Variants in KIAA1671 observed in about 807,000 individuals in gnomAD.
KIAA1671 encodes KIAA1671.
In KIAA1671, 52 loss-of-function variants were observed where a neutral mutation model predicts 131.2. That is an observed-to-expected ratio of 0.40 (90% CI 0.32 to 0.50). KIAA1671 has a LOEUF of 0.50. KIAA1671 is among the 20% of genes least tolerant of loss of function. The pLI is 0.73. For synonymous variants in KIAA1671, 1,003 were observed against 961.6 expected (o/e 1.04, Z -0.80); for missense variants, 2,360 against 2,364.2 (o/e 1.00, Z 0.04).
At chr22:25,107,690 C>A (rs959764446) in intron 6 of KIAA1671, among the ~76,000 whole-genome samples, 2 of 151,726 alleles carry the variant, frequency 1.3e-5, no homozygotes, top group South Asian at 2.1e-4. Flanking sequence ...ACCCAGCACT[C>A]CATTTTTTGT....
At chr22:25,095,306 AGCATCTG>A (rs1181537111) in intron 6 of KIAA1671, among the ~76,000 whole-genome samples, 1 of 152,206 alleles carries the variant, frequency 6.6e-6, no homozygotes, top group Non-Finnish European at 1.5e-5. Context: ...CTCACATTCC[AGCATCTG>A]GGAGCAAAAA....
intron 6 of KIAA1671, among the ~76,000 whole-genome samples, chr22:25,068,497 C>G (rs929203105): frequency 2.0e-5 from 3 of 151,928 alleles, no homozygotes; most frequent in African/African-American, 7.3e-5. Context: ...AGTGCAGTGG[C>G]ACGATCTCGG....
chr22:25,102,833 A>C (rs1930763018), intron 6 of KIAA1671: 1 of 152,530 alleles, frequency 6.6e-6, no homozygotes, highest in Admixed American at 6.5e-5. Context: ...CTCATACAAG[A>C]TGAGAAAACC....
At chr22:25,134,836 C>G (rs1932601754) in intron 6 of KIAA1671, among the ~76,000 whole-genome samples, 1 of 152,206 alleles carries the variant, frequency 6.6e-6, no homozygotes, top group African/African-American at 2.4e-5. Flanking sequence ...TTCTCTGAAC[C>G]TCAGTTTCTT....
chr22:25,184,543 A>G (rs1382515780), intron 10 of KIAA1671, among the ~76,000 whole-genome samples: 1 of 152,142 alleles, frequency 6.6e-6, no homozygotes, highest in East Asian at 1.9e-4. Flanking sequence ...ATGGGTGGAT[A>G]TTTGCCCTCC....
At chr22:25,067,635 G>T (rs1371859825) in intron 6 of KIAA1671, among the ~76,000 whole-genome samples, 2 of 151,890 alleles carry the variant, frequency 1.3e-5, no homozygotes, top group East Asian at 1.9e-4. Context: ...CGCCTGGCCT[G>T]CCATCCTCTC....
In KIAA1671 at chr22:25,040,039, C is replaced by T; in HGVS notation, c.2909C>T (p.Pro970Leu). The change falls in exon 5 of 13, where the codon CCA becomes CTA. Residue 970 changes from proline to leucine, a missense_variant. By Grantham distance (98) the Pro-to-Leu change is moderately conservative (BLOSUM62 -3). Around this residue, in one of 3 missense-constraint regions of KIAA1671, gnomAD observed 1,161 missense variants for 1,204.7 expected, o/e 0.96. Coordinates refer to ENST00000358431, the MANE Select transcript of KIAA1671 (RefSeq NM_001145206.2). ...AGTTCTCTTGTCCCAGAGGACTCTC[C>T]ACATGTGGGGCACAGACGAACAGAT... ...TFSSLVPEDSPHVGHRRTDYV... is the reference protein window; with the variant it reads ...TFSSLVPEDSLHVGHRRTDYV... The T allele has an allele frequency of 6.4e-7, 1 of 1,551,716 alleles. No homozygotes were observed. The highest frequency in any genetic ancestry group is 1.2e-5 in the South Asian group (1 of 84,062).
chr22:25,003,358 G>T (rs902784723), intron 1 of KIAA1671, among the ~76,000 whole-genome samples: 2 of 147,064 alleles, frequency 1.4e-5, no homozygotes, highest in African/African-American at 5.0e-5. Context: ...ACACAAAAAA[G>T]ATTAAAATTA....
chr22:25,152,949 G>A (rs964537120), intron 6 of KIAA1671, among the ~76,000 whole-genome samples: 2 of 151,998 alleles, frequency 1.3e-5, no homozygotes, highest in African/African-American at 4.8e-5. Flanking sequence ...ATGCCACATG[G>A]TAAGGCTCTT....
At chr22:25,182,742 C>G (rs1465881754) in intron 10 of KIAA1671, among the ~76,000 whole-genome samples, 1 of 152,182 alleles carries the variant, frequency 6.6e-6, no homozygotes, top group African/African-American at 2.4e-5. Flanking sequence ...GTAAAGTGGG[C>G]TGAGAATCCA....
chr22:24,992,814 CAA>C (rs761181079), intron 1 of KIAA1671, among the ~76,000 whole-genome samples: 25 of 57,376 alleles, frequency 4.4e-4, no homozygotes, highest in African/African-American at 1.5e-3. Context: ...GACTCCGTCT[CAA>C]AAAAAAAAAA....
chr22:24,995,355 GT>G (rs75900994), intron 1 of KIAA1671, among the ~76,000 whole-genome samples: 24,374 of 136,184 alleles, frequency 0.18, 2,296 homozygotes, highest in East Asian at 0.29. Context: ...CCCGGCCAAG[GT>G]TTTTTTTTTT....
chr22:25,091,100 C>T (rs575348301), intron 6 of KIAA1671, among the ~76,000 whole-genome samples: 4 of 152,116 alleles, frequency 2.6e-5, no homozygotes, highest in African/African-American at 4.8e-5. Flanking sequence ...CTCTGTCACC[C>T]AGGCTGGAGT....
At chr22:25,063,905 C>T (rs1193934558) in intron 6 of KIAA1671, 1 of 152,192 alleles carries the variant, frequency 6.6e-6, no homozygotes, top group African/African-American at 2.4e-5. Flanking sequence ...CATCCCATGA[C>T]TATCTTGTGA....
intron 6 of KIAA1671, among the ~76,000 whole-genome samples, chr22:25,135,140 C>G (rs1932616723): frequency 1.3e-5 from 2 of 152,282 alleles, no homozygotes; most frequent in South Asian, 4.1e-4. Flanking sequence ...CTAGTCTGCA[C>G]TTTGGGCTGT....
intron 5 of KIAA1671, among the ~76,000 whole-genome samples, chr22:25,044,516 A>G (rs1927117082): frequency 6.6e-6 from 1 of 152,138 alleles, no homozygotes; most frequent in African/African-American, 2.4e-5. Flanking sequence ...TGGAGCACGC[A>G]GGCCCCAGCA....
intron 6 of KIAA1671, chr22:25,064,998 A>T (rs1196825203): frequency 6.6e-6 from 1 of 152,188 alleles, no homozygotes; most frequent in Non-Finnish European, 1.5e-5. Flanking sequence ...GCAGTGACTC[A>T]TTTTTTGCCG....
chr22:25,009,501 G>C (rs886476372), intron 1 of KIAA1671, among the ~76,000 whole-genome samples: 18 of 150,140 alleles, frequency 1.2e-4, no homozygotes, highest in African/African-American at 3.9e-4. Flanking sequence ...CTGACCTCAG[G>C]TGATCTTCCT....
intron 1 of KIAA1671, among the ~76,000 whole-genome samples, chr22:24,998,735 A>G: frequency 6.6e-6 from 1 of 151,000 alleles, no homozygotes; most frequent in African/African-American, 2.4e-5. Context: ...AAAAAAAAAA[A>G]GAAATTGCAT....
Sources: allele counts gnomAD v4.1 joint callset (sites outside exome capture counted in the v4.1 genomes callset), GRCh38; gene constraint gnomAD v4.1.1; regional missense constraint gnomAD v4.1.1; transcripts MANE v1.5; gene names NCBI Gene and HGNC (gene_info 2026-07-23, HGNC 2026-07-21).